Variants in RARB observed in about 807,000 individuals in gnomAD.
RARB encodes HBV-activated protein.
RARB carries 17 observed loss-of-function variants against 51.9 expected under a neutral mutation model. The ratio of observed to expected loss-of-function variants is 0.33; its 90% CI spans 0.22 to 0.49. The LOEUF (loss-of-function observed/expected upper bound fraction) is 0.49. Ranked by LOEUF, RARB falls within the 20% of genes least tolerant of loss-of-function variation. The pLI is 0.99. For missense variants in RARB, 369 were observed against 550.8 expected, an observed-to-expected ratio of 0.67 and a Z score of 3.30; for synonymous variants, 215 against 195.4, an observed-to-expected ratio of 1.10 and a Z score of -0.84.
At chr3:25,343,023 T>TG (rs1491491228) in intron 5 of RARB, among the ~76,000 whole-genome samples, 43 of 125,740 alleles carry the variant, frequency 3.4e-4, no homozygotes, top group African/African-American at 1.2e-3. Flanking sequence ...TTGCAAGTAC[T>TG]TTGTGTGTGT....
intron 1 of RARB, among the ~76,000 whole-genome samples, chr3:24,845,177 T>C (rs1251993133): frequency 2.6e-5 from 4 of 152,038 alleles, no homozygotes; most frequent in Non-Finnish European, 4.4e-5. Flanking sequence ...GCATTAGGAG[T>C]GACATATTTA....
At chr3:25,358,602 T>C (rs1204295905) in intron 5 of RARB, among the ~76,000 whole-genome samples, 1 of 152,260 alleles carries the variant, frequency 6.6e-6, no homozygotes, top group African/African-American at 2.4e-5. Flanking sequence ...TTCAGTATGA[T>C]ATTGGCTGTG....
chr3:25,377,091 C>CT (rs1381932377), intron 5 of RARB, among the ~76,000 whole-genome samples: 6 of 152,108 alleles, frequency 3.9e-5, no homozygotes, highest in Admixed American at 2.6e-4. Flanking sequence ...CTTGGTTTTG[C>CT]TTTTTCTATC....
chr3:25,440,727 C>T (rs1708635685), intron 1 of RARB, among the ~76,000 whole-genome samples: 1 of 151,858 alleles, frequency 6.6e-6, no homozygotes, highest in African/African-American at 2.4e-5. Flanking sequence ...GAGCCGAGAT[C>T]GCGCCACTGC....
chr3:25,040,148 C>A (rs1019460296), intron 2 of RARB, among the ~76,000 whole-genome samples: 3 of 152,098 alleles, frequency 2.0e-5, no homozygotes, highest in African/African-American at 7.2e-5. Context: ...GAAAAAAATT[C>A]CGTCAACAGA....
chr3:25,096,738 ATCTGGGGGTG>A, intron 3 of RARB, among the ~76,000 whole-genome samples: 1 of 152,120 alleles, frequency 6.6e-6, no homozygotes, highest in Non-Finnish European at 1.5e-5. Flanking sequence ...AAGATGATTA[ATCTGGGGGTG>A]GACCCTGCAT....
intron 2 of RARB, among the ~76,000 whole-genome samples, chr3:25,476,476 A>G (rs1695951697): frequency 6.6e-6 from 1 of 152,166 alleles, no homozygotes; most frequent in East Asian, 1.9e-4. Flanking sequence ...TTCTCTGCAG[A>G]CACTTTTTAC....
chr3:25,341,535 G>C (rs1164654937), intron 5 of RARB, among the ~76,000 whole-genome samples: 1 of 152,078 alleles, frequency 6.6e-6, no homozygotes, highest in East Asian at 1.9e-4. Context: ...GGAAGGGTTG[G>C]GGTGAAAGAT....
At chr3:24,974,333 T>G (rs894765492) in intron 2 of RARB, among the ~76,000 whole-genome samples, 3 of 152,166 alleles carry the variant, frequency 2.0e-5, no homozygotes, top group African/African-American at 7.2e-5. Context: ...GAATTTAGTT[T>G]GCCTAGTATT....
At chr3:25,395,682 A>G (rs1400533521) in intron 5 of RARB, among the ~76,000 whole-genome samples, 1 of 152,120 alleles carries the variant, frequency 6.6e-6, no homozygotes, top group East Asian at 1.9e-4. Context: ...CTACTTGTTC[A>G]ACTCTACTGT....
intron 2 of RARB, among the ~76,000 whole-genome samples, chr3:24,912,996 T>TTTTTTTTTTTTTTTA (rs1491080482): frequency 7.5e-6 from 1 of 133,006 alleles, no homozygotes; most frequent in African/African-American, 2.9e-5. Context: ...TTTTTTTTTT[T>TTTTTTTTTTTTTTTA]TGGAGACAGA....
chr3:25,269,252 G>C (rs1469744894), intron 5 of RARB, among the ~76,000 whole-genome samples: 1 of 152,110 alleles, frequency 6.6e-6, no homozygotes. Flanking sequence ...ATGAGTCCAT[G>C]AATCTCCTTA....
intron 3 of RARB, among the ~76,000 whole-genome samples, chr3:25,085,541 C>A (rs1699089847): frequency 6.6e-6 from 1 of 152,242 alleles, no homozygotes; most frequent in East Asian, 1.9e-4. Context: ...AGGCTCTCAT[C>A]TGGCCCCTGT....
At chr3:24,961,247 T>C (rs1696133335) in intron 2 of RARB, among the ~76,000 whole-genome samples, 1 of 152,262 alleles carries the variant, frequency 6.6e-6, no homozygotes, top group Non-Finnish European at 1.5e-5. Context: ...GAACATCTAC[T>C]GTGCCAGGTA....
chr3:25,150,350 A>G (rs1451563994), intron 4 of RARB, among the ~76,000 whole-genome samples: 1 of 152,216 alleles, frequency 6.6e-6, no homozygotes, highest in East Asian at 1.9e-4. Flanking sequence ...AAGGGAGAAT[A>G]AGCCCAGCAC....
intron 5 of RARB, among the ~76,000 whole-genome samples, chr3:25,265,445 C>T (rs887421089): frequency 5.9e-5 from 9 of 152,214 alleles, no homozygotes; most frequent in African/African-American, 1.7e-4. Flanking sequence ...AAAAAACAAC[C>T]ACAAATTTGG....
At chr3:25,120,021 A>G (rs1278698073) in intron 3 of RARB, among the ~76,000 whole-genome samples, 1 of 152,148 alleles carries the variant, frequency 6.6e-6, no homozygotes, top group Admixed American at 6.6e-5. Flanking sequence ...CAGTTTTAAA[A>G]TCATCCATCA....
intron 3 of RARB, among the ~76,000 whole-genome samples, chr3:25,506,250 C>G (rs1374758208): frequency 7.0e-5 from 5 of 71,154 alleles, no homozygotes; most frequent in Non-Finnish European, 1.2e-4. Context: ...GAGACTCCAT[C>G]TCAAAAAAAA....
upstream of RARB, chr3:25,428,179 T>C (rs1278831571): frequency 5.2e-6 from 6 of 1,162,250 alleles, no homozygotes; most frequent in African/African-American, 8.0e-5. Flanking sequence ...TCAGACTAGT[T>C]GGGTCATTTG....
Sources: allele counts gnomAD v4.1 joint callset (sites outside exome capture counted in the v4.1 genomes callset), GRCh38; gene constraint gnomAD v4.1.1; transcripts MANE v1.5; gene names NCBI Gene and HGNC (gene_info 2026-07-23, HGNC 2026-07-21).